LDLRAD4: variants seen among roughly 807,000 people sequenced by gnomAD.
LDLRAD4 encodes low-density lipoprotein receptor class A domain-containing protein 4.
In LDLRAD4, 5 loss-of-function variants were observed where a neutral mutation model predicts 17.0. The observed-to-expected ratio is 0.29, with a 90% CI of 0.15 to 0.62. LDLRAD4 has a LOEUF of 0.62. Among genes scored for constraint, LDLRAD4 ranks in the 20% least tolerant of loss-of-function variants. The pLI, the probability that LDLRAD4 is intolerant of heterozygous loss-of-function variation, is 0.84. For synonymous variants in LDLRAD4, 168 were observed against 171.8 expected (o/e 0.98, Z 0.17); for missense variants, 340 against 424.7 (o/e 0.80, Z 1.75).
At chr18:13,402,656 T>A (rs774964892) in intron 2 of LDLRAD4, among the ~76,000 whole-genome samples, 2 of 152,220 alleles carry the variant, frequency 1.3e-5, no homozygotes, top group African/African-American at 2.4e-5. Context: ...AGGTCAGTGC[T>A]GCTTCTATAG....
At chr18:13,509,266 A>G (rs983002333) in intron 3 of LDLRAD4, among the ~76,000 whole-genome samples, 4 of 152,232 alleles carry the variant, frequency 2.6e-5, no homozygotes, top group Non-Finnish European at 1.5e-5. Context: ...GTCAGCCATG[A>G]TCATGCCACT....
At chr18:13,630,133 A>G (rs1336652114) in intron 4 of LDLRAD4, among the ~76,000 whole-genome samples, 1 of 152,146 alleles carries the variant, frequency 6.6e-6, no homozygotes, top group Non-Finnish European at 1.5e-5. Context: ...CCGCTAGCCC[A>G]TTGCATTGTC....
intron 3 of LDLRAD4, among the ~76,000 whole-genome samples, chr18:13,519,432 T>G (rs370900597): frequency 3.0e-4 from 46 of 152,288 alleles, no homozygotes; most frequent in African/African-American, 9.9e-4. Flanking sequence ...AGGGGATGCT[T>G]ACCTTTTCTA....
chr18:13,537,949 G>A (rs1175468403), intron 3 of LDLRAD4, among the ~76,000 whole-genome samples: 1 of 151,990 alleles, frequency 6.6e-6, no homozygotes, highest in Non-Finnish European at 1.5e-5. Context: ...CATCTAACTT[G>A]TTAAATCTAT....
chr18:13,323,706 G>C (rs1599407219), intron 1 of LDLRAD4, among the ~76,000 whole-genome samples: 1 of 152,060 alleles, frequency 6.6e-6, no homozygotes, highest in Non-Finnish European at 1.5e-5. Context: ...ATATATATAA[G>C]GTATAAGGAT....
intron 3 of LDLRAD4, among the ~76,000 whole-genome samples, chr18:13,473,674 T>TAC (rs1401656636): frequency 2.2e-4 from 24 of 108,276 alleles, no homozygotes; most frequent in South Asian, 1.2e-3. Context: ...TATATATATA[T>TAC]ATATAACGTT....
chr18:13,531,649 T>C (rs1042572604), intron 3 of LDLRAD4, among the ~76,000 whole-genome samples: 2 of 146,860 alleles, frequency 1.4e-5, no homozygotes, highest in African/African-American at 5.1e-5. Flanking sequence ...TGGGGAGAGG[T>C]TGTCTGGCTC....
At chr18:13,372,047 A>AT (rs2084558439) in intron 1 of LDLRAD4, among the ~76,000 whole-genome samples, 3 of 152,234 alleles carry the variant, frequency 2.0e-5, no homozygotes, top group African/African-American at 7.2e-5. Flanking sequence ...AGTTGATGAT[A>AT]TTTAAGAGCA....
chr18:13,326,305 A>T (rs933504781), intron 1 of LDLRAD4, among the ~76,000 whole-genome samples: 4 of 152,316 alleles, frequency 2.6e-5, no homozygotes, highest in African/African-American at 9.6e-5. Context: ...GCGAATGATT[A>T]CATTCTTGTG....
At chr18:13,255,738 AG>A (rs1476625039) in intron 1 of LDLRAD4, among the ~76,000 whole-genome samples, 2 of 152,096 alleles carry the variant, frequency 1.3e-5, no homozygotes, top group Admixed American at 6.5e-5. Flanking sequence ...ACGGCTCCCC[AG>A]GCCAGGGCTG....
rs1349481226 is a variant in LDLRAD4 at position 13,545,709 on chromosome 18, G to A, written c.182-75408G>A. 2.0e-5 allele frequency among the ~76,000 whole-genome samples: 3 copies of A among 152,212 alleles called. No homozygotes were observed. The East Asian group carries it at 5.8e-4, about 29-fold the overall frequency. ...AACTGGCGGGGCAGGAAAGAGACAG[G>A]AGATGTTATGGAGCCAAGCAAGCTA... is the stretch of plus-strand genomic sequence containing the variant. On this transcript the variant is annotated intron_variant, in intron 3 of 5. Coordinates refer to ENST00000359446, the Ensembl canonical transcript of LDLRAD4.
In LDLRAD4 at chr18:13,645,894, G is replaced by T. The variant is rs2042997293; in HGVS notation, c.*237G>T. On this transcript the variant is annotated 3_prime_UTR_variant, in exon 6 of 6. Transcript: ENST00000359446. The surrounding 1 kb of genome is among the most constrained non-coding windows in gnomAD (Gnocchi z 5.7). ...AGTGTTTATTTGGGGACAGGGGTTGGGATGGGGGTGTGGGCAGGGGAAAAC... is the reference window on the plus strand; with the variant it reads ...AGTGTTTATTTGGGGACAGGGGTTGTGATGGGGGTGTGGGCAGGGGAAAAC... The T allele has an allele frequency of 2.6e-6, 1 of 381,348 alleles. No homozygotes were observed. Among genetic ancestry groups the T allele is most frequent in the Non-Finnish European group, 4.6e-6 (1 of 216,422 alleles). The allele number at this position is 381,348 out of a possible 1,614,324, so 23.6% of individuals were successfully genotyped here.
At chr18:13,350,987 G>A (rs2083004276) in intron 1 of LDLRAD4, among the ~76,000 whole-genome samples, 1 of 152,024 alleles carries the variant, frequency 6.6e-6, no homozygotes, top group Non-Finnish European at 1.5e-5. Flanking sequence ...CCATTGGTCT[G>A]TATGCCTATC....
intron 3 of LDLRAD4, chr18:13,471,997 T>A (rs2092789124): frequency 6.6e-6 from 1 of 152,256 alleles, no homozygotes; most frequent in Non-Finnish European, 1.5e-5. Context: ...ATTTCCACCT[T>A]CTGTGCAGAG....
chr18:13,407,115 T>A (rs945309421), intron 2 of LDLRAD4, among the ~76,000 whole-genome samples: 40 of 152,124 alleles, frequency 2.6e-4, no homozygotes, highest in African/African-American at 9.4e-4. Flanking sequence ...GTTCTCTGTG[T>A]ACTGTGTGTA....
intron 3 of LDLRAD4, among the ~76,000 whole-genome samples, chr18:13,573,169 A>G (rs183252625): frequency 1.3e-5 from 2 of 152,204 alleles, no homozygotes; most frequent in Non-Finnish European, 2.9e-5. Flanking sequence ...CAGTGGCATG[A>G]TCTTGGCTCA....
rs74510448 is a variant in LDLRAD4, at chr18:13,469,559, A to G, written c.181+31175A>G. 6.9e-3 allele frequency among the ~76,000 whole-genome samples: 1,059 copies of G among 152,376 alleles called. 16 individuals are homozygous for G. The highest frequency in any genetic ancestry group is 0.024 in the African/African-American group (998 of 41,580). ...GAAATATTACTCAGCCATAAAAAGGAATGAAGTTTGGATGAACCTTGGAAA... is the reference window on the plus strand; with the variant it reads ...GAAATATTACTCAGCCATAAAAAGGGATGAAGTTTGGATGAACCTTGGAAA... On this transcript the variant is annotated intron_variant, in intron 3 of 5. Coordinates refer to ENST00000359446, the Ensembl canonical transcript of LDLRAD4.
At chr18:13,284,031 G>T (rs1426307855) in intron 1 of LDLRAD4, among the ~76,000 whole-genome samples, 9 of 152,114 alleles carry the variant, frequency 5.9e-5, no homozygotes, top group Non-Finnish European at 7.4e-5. Context: ...ATTACCTTCC[G>T]CTGGGTCCCT....
intron 1 of LDLRAD4, among the ~76,000 whole-genome samples, chr18:13,232,119 G>A (rs1429901262): frequency 6.6e-6 from 1 of 152,258 alleles, no homozygotes; most frequent in East Asian, 1.9e-4. Flanking sequence ...CTCCTGGTGG[G>A]CCATGCAGGA....
Sources: gnomAD v4.1 joint callset for allele counts (sites outside exome capture counted in the v4.1 genomes callset) on GRCh38, gnomAD v4.1.1 for gene constraint, Gnocchi (gnomAD v3.1) non-coding constraint, MANE v1.5 for transcripts, NCBI Gene and HGNC (gene_info 2026-07-23, HGNC 2026-07-21) for gene names.